Variants in NR2C2 observed in about 807,000 individuals in gnomAD.
The protein encoded by NR2C2 is Nuclear hormone receptor TR4.
A neutral mutation model predicts 62.9 loss-of-function variants in NR2C2; 6 were observed. The ratio of observed to expected loss-of-function variants is 0.10; its 90% CI spans 0.05 to 0.19. The LOEUF (loss-of-function observed/expected upper bound fraction) is 0.19. Ranked by LOEUF, NR2C2 falls within the 10% of genes least tolerant of loss-of-function variation. The pLI is 1.00. For missense variants in NR2C2, 479 were observed against 762.7 expected, an observed-to-expected ratio of 0.63 and a Z score of 4.38; for synonymous variants, 272 against 273.8, an observed-to-expected ratio of 0.99 and a Z score of 0.07.
intron 1 of NR2C2, chr3:14,959,477 C>G (rs563988141): frequency 2.0e-5 from 3 of 152,158 alleles, no homozygotes; most frequent in Admixed American, 2.0e-4. Context: ...AACATAGTTT[C>G]TCTTTCAATT....
At chr3:15,022,398 C>CTTTTTTTTTTTTTTT (rs71038450) in intron 5 of NR2C2, among the ~76,000 whole-genome samples, 6 of 89,128 alleles carry the variant, frequency 6.7e-5, no homozygotes, top group Admixed American at 2.9e-4. Context: ...CTTTTTCTTT[C>CTTTTTTTTTTTTTTT]TTTTTTTTTT....
rs1273980484 is a variant in NR2C2 at position 15,048,165 on chromosome 3, C to T, written c.*5157C>T. The T allele has an allele frequency of 6.6e-6, 1 of 152,640 alleles. No homozygotes were observed. Among genetic ancestry groups the T allele is most frequent in the African/African-American group, 2.4e-5 (1 of 41,444 alleles). 9.5% of individuals were successfully genotyped at this position (152,640 alleles called of 1,614,324 possible). ...CTTTATGAGACCATAGTACTCAGTG[C>T]CTTTTGTGAGACAGTGGGTCATTTA... On this transcript the variant is annotated 3_prime_UTR_variant, in exon 14 of 14. Coordinates refer to ENST00000425241, the MANE Select transcript of NR2C2 (RefSeq NM_001291694.2).
chr3:14,958,019 C>T (rs2039577279), intron 1 of NR2C2, among the ~76,000 whole-genome samples: 1 of 152,216 alleles, frequency 6.6e-6, no homozygotes, highest in African/African-American at 2.4e-5. Flanking sequence ...ATCCATCTGT[C>T]TTTCCTTGCT....
At chr3:14,951,296 A>G (rs1445993113) in intron 1 of NR2C2, among the ~76,000 whole-genome samples, 1 of 152,234 alleles carries the variant, frequency 6.6e-6, no homozygotes, top group Non-Finnish European at 1.5e-5. Flanking sequence ...AAATTGATTC[A>G]TTTAATGAAA....
rs1356834339 is a variant in NR2C2 at position 15,048,862 on chromosome 3, G to GGGCTGGTAAT, written c.*5855_*5856insGCTGGTAATG. 3.3e-5 allele frequency: 5 copies of GGGCTGGTAAT among 152,628 alleles called. No homozygotes were observed. The highest frequency in any genetic ancestry group is 7.3e-5 in the Non-Finnish European group (5 of 68,040). 9.5% of individuals were successfully genotyped at this position (152,628 alleles called of 1,614,324 possible). A position where few individuals can be genotyped will look rare whatever the true frequency, so the allele number is the denominator to read the frequency against. On this transcript the variant is annotated 3_prime_UTR_variant, in exon 14 of 14. Transcript: ENST00000425241. ...TAACTGCATTACCAGCCCTTTTAAA[G>GGGCTGGTAAT]GCATCTATCTATCAAAGGAAAATTT... is the stretch of plus-strand genomic sequence containing the variant.
chr3:14,980,136 A>T (rs1276538457), intron 1 of NR2C2, among the ~76,000 whole-genome samples: 1 of 150,782 alleles, frequency 6.6e-6, no homozygotes, highest in Non-Finnish European at 1.5e-5. Context: ...TAAGATTCCT[A>T]CTCTTTTCCG....
At chr3:15,030,957 CTT>C in intron 9 of NR2C2, among the ~76,000 whole-genome samples, 1 of 152,316 alleles carries the variant, frequency 6.6e-6, no homozygotes. Flanking sequence ...CTTCACTTGT[CTT>C]TTGCTCACAG....
chr3:15,025,978 A>C (rs2041812978), intron 7 of NR2C2: 1 of 150,972 alleles, frequency 6.6e-6, no homozygotes, highest in African/African-American at 2.4e-5. Context: ...TTGTGTGTAC[A>C]TATCTTGGTT....
At chr3:14,968,718 A>G (rs1339769671) in intron 1 of NR2C2, among the ~76,000 whole-genome samples, 16 of 143,312 alleles carry the variant, frequency 1.1e-4, no homozygotes, top group Non-Finnish European at 2.0e-4. Context: ...CACAATAGCA[A>G]AGACTTGGAC....
At chr3:15,039,372 T>C in intron 13 of NR2C2, 145 bp downstream of exon 13, 1 of 641,322 alleles carries the variant, frequency 1.6e-6, no homozygotes, top group Non-Finnish European at 2.8e-6. Flanking sequence ...TTCTTGAGTT[T>C]TCTTTGTTTT....
At chr3:14,989,969 G>T (rs1386750414) in intron 1 of NR2C2, among the ~76,000 whole-genome samples, 2 of 150,008 alleles carry the variant, frequency 1.3e-5, no homozygotes, top group Non-Finnish European at 3.0e-5. Flanking sequence ...GGGTGTGGTG[G>T]CACATACCTG....
intron 7 of NR2C2, among the ~76,000 whole-genome samples, chr3:15,025,257 CCA>C (rs1419040664): frequency 6.6e-6 from 1 of 152,234 alleles, no homozygotes; most frequent in Non-Finnish European, 1.5e-5. Context: ...ATTGGGCCAT[CCA>C]CACACAGACT....
intron 1 of NR2C2, among the ~76,000 whole-genome samples, chr3:14,998,650 C>CT (rs200472772): frequency 2.6e-5 from 4 of 151,680 alleles, no homozygotes; most frequent in East Asian, 1.9e-4. Context: ...ATGATTTGCA[C>CT]TTTTTTTTTC....
intron 1 of NR2C2, among the ~76,000 whole-genome samples, chr3:15,000,153 C>T (rs1446791858): frequency 6.6e-6 from 1 of 152,080 alleles, no homozygotes; most frequent in East Asian, 1.9e-4. Flanking sequence ...TACCTTTTGA[C>T]CTGACTTTCA....
chr3:14,979,007 G>C (rs1024025218), intron 1 of NR2C2, among the ~76,000 whole-genome samples: 2 of 152,056 alleles, frequency 1.3e-5, no homozygotes, highest in Admixed American at 6.5e-5. Context: ...GTGAAAATTA[G>C]CTTGCTTCTC....
intron 4 of NR2C2, among the ~76,000 whole-genome samples, chr3:15,017,753 CTGAG>C (rs1007682747): frequency 2.6e-5 from 4 of 152,198 alleles, no homozygotes; most frequent in Non-Finnish European, 4.4e-5. Context: ...AAGAAAAAGA[CTGAG>C]TTATTCCAGA....
intron 1 of NR2C2, among the ~76,000 whole-genome samples, chr3:15,003,537 T>G (rs561291160): frequency 6.6e-6 from 1 of 152,350 alleles, no homozygotes; most frequent in African/African-American, 2.4e-5. Flanking sequence ...GTTTTACAGG[T>G]GGCTTTGGAG....
intron 1 of NR2C2, among the ~76,000 whole-genome samples, chr3:14,983,817 C>A (rs35287134): frequency 6.6e-6 from 1 of 151,998 alleles, no homozygotes; most frequent in Non-Finnish European, 1.5e-5. Context: ...AGAATTTGTT[C>A]ATTTTGTCTG....
rs762831463 is a variant in NR2C2, at chr3:15,039,093, A to AC, written c.1511-28dup. 4 of 1,455,114 alleles carry AC rather than the reference A, an allele frequency of 2.7e-6. No individual in the cohort carries two copies. In the East Asian group the frequency reaches 7.5e-5, roughly 27 times the overall value. 90.1% of individuals were successfully genotyped at this position (1,455,114 alleles called of 1,614,324 possible). A position where few individuals can be genotyped will look rare whatever the true frequency, so the allele number is the denominator to read the frequency against. The stretch of plus-strand genomic sequence containing the variant: ...GTGAGACTTTTCAAATACAGAGGGA[A>AC]CTGGGGGGGGGTACTTTTCTGTTTT... On this transcript the variant is annotated intron_variant, in intron 12 of 13. Transcript: ENST00000425241.
Sources: gnomAD v4.1 joint callset for allele counts (sites outside exome capture counted in the v4.1 genomes callset) on GRCh38, gnomAD v4.1.1 for gene constraint, MANE v1.5 for transcripts, NCBI Gene and HGNC (gene_info 2026-07-23, HGNC 2026-07-21) for gene names.